Variants in SPIDR observed in about 807,000 individuals in gnomAD.
SPIDR encodes scaffold protein involved in DNA repair.
A neutral mutation model predicts 104.6 loss-of-function variants in SPIDR; 93 were observed. The observed-to-expected ratio is 0.89, with a 90% confidence interval of 0.75 to 1.06. The LOEUF (loss-of-function observed/expected upper bound fraction) is 1.06. Ranked by LOEUF, SPIDR falls within the 50% of genes least tolerant of loss-of-function variation. The probability of loss-of-function intolerance (pLI) is 0.00; values close to 1 mark genes in which losing one functional copy is unlikely to be tolerated. For missense variants in SPIDR, 1,154 were observed against 1,111.2 expected, an observed-to-expected ratio of 1.04 and a Z score of -0.55; for synonymous variants, 431 against 416.9, an observed-to-expected ratio of 1.03 and a Z score of -0.41.
chr8:47,405,880 C>T (rs1554666986), intron 6 of SPIDR, among the ~76,000 whole-genome samples: 2 of 152,186 alleles, frequency 1.3e-5, no homozygotes, highest in African/African-American at 2.4e-5. Flanking sequence ...AGTTCAAGTG[C>T]ATGTGACTGG....
At chr8:47,722,691 A>C (rs575537612) in intron 16 of SPIDR, among the ~76,000 whole-genome samples, 1 of 152,244 alleles carries the variant, frequency 6.6e-6, no homozygotes, top group Non-Finnish European at 1.5e-5. Flanking sequence ...TTGATTCTCA[A>C]AGATGAAAAT....
At chr8:47,463,275 G>A (rs2074238867) in intron 8 of SPIDR, among the ~76,000 whole-genome samples, 1 of 151,326 alleles carries the variant, frequency 6.6e-6, no homozygotes, top group South Asian at 2.1e-4. Flanking sequence ...GCAGGAGAAT[G>A]CCATGAACCT....
chr8:47,466,281 T>A (rs2074764373), intron 8 of SPIDR, among the ~76,000 whole-genome samples: 1 of 152,130 alleles, frequency 6.6e-6, no homozygotes, highest in Admixed American at 6.5e-5. Flanking sequence ...CATAAAACAC[T>A]CTTCTGCAAA....
At chr8:47,357,649 G>T (rs1554626630) in intron 5 of SPIDR, among the ~76,000 whole-genome samples, 1 of 152,084 alleles carries the variant, frequency 6.6e-6, no homozygotes, top group Non-Finnish European at 1.5e-5. Flanking sequence ...TGGTTCTTTT[G>T]TTTCAATTGA....
At chr8:47,273,473 G>A (rs1309821125) in intron 1 of SPIDR, among the ~76,000 whole-genome samples, 3 of 152,218 alleles carry the variant, frequency 2.0e-5, no homozygotes, top group African/African-American at 7.2e-5. Flanking sequence ...CAGGTTGAGG[G>A]CAGGTGGCGT....
At chr8:47,549,478 A>G (rs1376644520) in intron 8 of SPIDR, among the ~76,000 whole-genome samples, 3 of 152,136 alleles carry the variant, frequency 2.0e-5, no homozygotes, top group Non-Finnish European at 4.4e-5. Context: ...GGTGTGAGAT[A>G]CTATCTCATT....
At chr8:47,517,672 C>T (rs896706195) in intron 8 of SPIDR, among the ~76,000 whole-genome samples, 1 of 152,168 alleles carries the variant, frequency 6.6e-6, no homozygotes, top group Admixed American at 6.5e-5. Flanking sequence ...TATGTAGGCA[C>T]TAAATAATTT....
At chr8:47,532,734 C>A (rs2086232787) in intron 8 of SPIDR, among the ~76,000 whole-genome samples, 1 of 152,174 alleles carries the variant, frequency 6.6e-6, no homozygotes, top group African/African-American at 2.4e-5. Flanking sequence ...ATCCATCAGG[C>A]AGAACTCAAT....
In SPIDR at chr8:47,352,795, G is replaced by A. The variant is rs577659787; in HGVS notation, c.526-43581G>A. Reference sequence around the variant, plus strand: ...AGTTATTCTTTCTGCCAGGCGTGGTGGCTCACGCCTGTAATCTCAATGCTT... The same window carrying A: ...AGTTATTCTTTCTGCCAGGCGTGGTAGCTCACGCCTGTAATCTCAATGCTT... On this transcript the variant is annotated intron_variant, in intron 5 of 19. Transcript: ENST00000297423. Among the ~76,000 whole-genome samples the A allele has an allele frequency of 2.6e-5, 4 of 152,168 alleles. No homozygotes were observed. In the East Asian group the frequency reaches 7.7e-4, roughly 29 times the overall value.
At chr8:47,571,018 G>T (rs1199577547) in intron 8 of SPIDR, among the ~76,000 whole-genome samples, 1 of 152,006 alleles carries the variant, frequency 6.6e-6, no homozygotes, top group Non-Finnish European at 1.5e-5. Flanking sequence ...TTGAACCCGG[G>T]AGGCAGAAGT....
intron 8 of SPIDR, among the ~76,000 whole-genome samples, chr8:47,506,367 C>G (rs1402539735): frequency 2.0e-5 from 3 of 152,196 alleles, no homozygotes; most frequent in African/African-American, 4.8e-5. Flanking sequence ...GGGTCTCACT[C>G]TACCTAGAGG....
chr8:47,302,892 C>T (rs2042409315), intron 5 of SPIDR, among the ~76,000 whole-genome samples: 1 of 152,230 alleles, frequency 6.6e-6, no homozygotes, highest in Non-Finnish European at 1.5e-5. Context: ...ACTCGAGGGT[C>T]AGGGACCCAC....
intron 5 of SPIDR, among the ~76,000 whole-genome samples, chr8:47,340,568 C>T (rs1286802439): frequency 6.6e-6 from 1 of 152,176 alleles, no homozygotes; most frequent in Non-Finnish European, 1.5e-5. Flanking sequence ...CGCCACTGCA[C>T]TCCAGTCTGG....
At chr8:47,651,409 C>T (rs1182548526) in intron 10 of SPIDR, among the ~76,000 whole-genome samples, 1 of 152,112 alleles carries the variant, frequency 6.6e-6, no homozygotes, top group African/African-American at 2.4e-5. Context: ...TAGCACCTTA[C>T]CCCCTCAAGA....
intron 8 of SPIDR, among the ~76,000 whole-genome samples, chr8:47,588,695 G>A (rs1172041142): frequency 6.6e-6 from 1 of 152,154 alleles, no homozygotes; most frequent in East Asian, 1.9e-4. Context: ...TTTAATGCTA[G>A]TTGTGGGATT....
chr8:47,295,670 A>G (rs910948236), intron 5 of SPIDR, among the ~76,000 whole-genome samples: 4 of 152,142 alleles, frequency 2.6e-5, no homozygotes, highest in Non-Finnish European at 5.9e-5. Flanking sequence ...CCATTGGTGT[A>G]TATATACTAT....
intron 10 of SPIDR, among the ~76,000 whole-genome samples, chr8:47,604,511 G>A (rs1463638419): frequency 6.6e-6 from 1 of 152,202 alleles, no homozygotes. Context: ...GCAGAGAGAC[G>A]CAGGAAGCAG....
rs749539591 is a variant in SPIDR at position 47,735,492 on chromosome 8, GGGTGGTGGT to G, written c.*53_*61del. 1.9e-6 allele frequency: 3 copies of G among 1,613,726 alleles called. No homozygotes were observed. The South Asian group carries it at 3.3e-5, about 18-fold the overall frequency. Reference sequence around the variant, plus strand: ...TGTGAACTTTGCAATGTGGCTGCAAGGGTGGTGGTGGTGGTGGTGATTTGGGGTAGTTAT... The same window carrying G: ...TGTGAACTTTGCAATGTGGCTGCAAGGGTGGTGGTGATTTGGGGTAGTTAT... On this transcript the variant is annotated 3_prime_UTR_variant, in exon 20 of 20. Transcript: ENST00000297423.
intron 10 of SPIDR, among the ~76,000 whole-genome samples, chr8:47,612,572 T>G (rs943001981): frequency 1.3e-5 from 2 of 152,208 alleles, no homozygotes; most frequent in African/African-American, 4.8e-5. Flanking sequence ...TAATTTACTT[T>G]TATGTTTCAG....
Sources: gnomAD v4.1 joint callset for allele counts (sites outside exome capture counted in the v4.1 genomes callset) on GRCh38, gnomAD v4.1.1 for gene constraint, MANE v1.5 for transcripts, NCBI Gene and HGNC (gene_info 2026-07-23, HGNC 2026-07-21) for gene names.